The following KLHL29 variants were observed in gnomAD, a reference collection of about 807,000 sequenced individuals.
KLHL29 encodes the protein kelch like family member 29.
Under a neutral mutation model 80.4 loss-of-function variants are expected in KLHL29, and 21 were observed. The ratio of observed to expected loss-of-function variants is 0.26; its 90% confidence interval spans 0.19 to 0.38. The LOEUF is 0.38. KLHL29 is among the 10% of genes least tolerant of loss of function. The pLI is 1.00. For synonymous variants in KLHL29, 511 were observed against 526.8 expected (o/e 0.97, Z 0.41); for missense variants, 867 against 1,223.9 (o/e 0.71, Z 4.35).
chr2:23,686,709 G>A (rs1052495835), intron 6 of KLHL29, among the ~76,000 whole-genome samples: 2 of 152,124 alleles, frequency 1.3e-5, no homozygotes, highest in South Asian at 2.1e-4. Context: ...CCTGACGGAC[G>A]CCCAGGTCCC....
intron 1 of KLHL29, among the ~76,000 whole-genome samples, chr2:23,431,494 G>A (rs1056762342): frequency 3.3e-5 from 5 of 152,214 alleles, no homozygotes; most frequent in African/African-American, 4.8e-5. Context: ...CAGGCTCCTC[G>A]CCAGCCCTGC....
At chr2:23,454,612 G>T (rs371465283) in intron 1 of KLHL29, among the ~76,000 whole-genome samples, 104 of 152,196 alleles carry the variant, frequency 6.8e-4, no homozygotes, top group African/African-American at 2.4e-3. Context: ...TATTTCGTCA[G>T]CTTTTTCTGT....
chr2:23,609,812 A>G (rs1485797892), intron 3 of KLHL29, among the ~76,000 whole-genome samples: 1 of 152,174 alleles, frequency 6.6e-6, no homozygotes, highest in Non-Finnish European at 1.5e-5. Flanking sequence ...GGGTGAGGAA[A>G]CCCAGACACA....
intron 2 of KLHL29, among the ~76,000 whole-genome samples, chr2:23,510,132 C>CCTT (rs1665724744): frequency 6.6e-6 from 1 of 151,992 alleles, no homozygotes; most frequent in Non-Finnish European, 1.5e-5. Context: ...TCCTAAAGAC[C>CCTT]CTTTATTCAG....
chr2:23,502,466 T>TG (rs1247913321), intron 2 of KLHL29, among the ~76,000 whole-genome samples: 2 of 152,346 alleles, frequency 1.3e-5, no homozygotes, highest in Non-Finnish European at 2.9e-5. Context: ...ACCCACCTTT[T>TG]GGGGGGCCCC....
intron 3 of KLHL29, among the ~76,000 whole-genome samples, chr2:23,603,202 G>T (rs762650424): frequency 6.6e-6 from 1 of 152,146 alleles, no homozygotes; most frequent in Non-Finnish European, 1.5e-5. Context: ...CCCTGGAACC[G>T]TGAGAAATGC....
intron 2 of KLHL29, among the ~76,000 whole-genome samples, chr2:23,521,560 C>T (rs999421042): frequency 1.3e-5 from 2 of 152,200 alleles, no homozygotes; most frequent in South Asian, 4.1e-4. Flanking sequence ...AGTAGCCACT[C>T]CTCTCTGCCT....
intron 5 of KLHL29, among the ~76,000 whole-genome samples, chr2:23,661,982 G>A (rs1414350517): frequency 6.6e-6 from 1 of 152,222 alleles, no homozygotes; most frequent in Admixed American, 6.5e-5. Flanking sequence ...TAGATGCTCA[G>A]TAAACACTTT....
Position 23,562,071 on chromosome 2 carries a change from A to T in KLHL29, c.-45-81A>T. 9.3e-7 allele frequency: 1 copy of T among 1,079,354 alleles called. No individual in the cohort carries two copies. The highest frequency in any genetic ancestry group is 1.3e-6 in the Non-Finnish European group (1 of 748,714). The allele number at this position is 1,079,354 out of a possible 1,614,324, so 66.9% of individuals were successfully genotyped here. A position where few individuals can be genotyped will look rare whatever the true frequency, so the allele number is the denominator to read the frequency against. ...TTTGAAGGCCTGTTATTGAACCCAG[A>T]GAAGGGGCTTCATGGATGCTGTCAG... On this transcript the variant is annotated intron_variant, in intron 2 of 13. Transcript: ENST00000486442. This position sits in a 1 kb window ranked among gnomAD's most constrained non-coding sequence, Gnocchi z 4.5.
chr2:23,520,851 T>C (rs1176046910), intron 2 of KLHL29, among the ~76,000 whole-genome samples: 1 of 152,204 alleles, frequency 6.6e-6, no homozygotes, highest in Non-Finnish European at 1.5e-5. Context: ...TTCAGTTCAT[T>C]TTCATCTGTC....
At chr2:23,432,084 T>C (rs553704434) in intron 1 of KLHL29, among the ~76,000 whole-genome samples, 19 of 152,276 alleles carry the variant, frequency 1.2e-4, no homozygotes, top group African/African-American at 4.6e-4. Flanking sequence ...TCAATCTCTT[T>C]CTTGTTTCGG....
rs569896343 is a variant in KLHL29 at position 23,584,159 on chromosome 2, C to T, written c.285+21678C>T. On this transcript the variant is annotated intron_variant, in intron 3 of 13. Coordinates refer to ENST00000486442, the MANE Select transcript of KLHL29 (RefSeq NM_052920.2). ...AGATGAGCGATCCCCAGGCAGGCTC[C>T]AGCCGGCCTCCCAGGTCTGTGCCGT... Among the ~76,000 whole-genome samples, 229 of 152,334 alleles carry T rather than the reference C, an allele frequency of 1.5e-3. 1 individual carries two copies. Among genetic ancestry groups the T allele is most frequent in the African/African-American group, 5.1e-3 (213 of 41,580 alleles).
chr2:23,599,736 G>T (rs993046581), intron 3 of KLHL29, among the ~76,000 whole-genome samples: 1 of 152,150 alleles, frequency 6.6e-6, no homozygotes. Flanking sequence ...AGCATTTTCG[G>T]TTCCGTGGAT....
Position 23,676,033 on chromosome 2 carries a change from T to G in KLHL29, c.941-8366T>G, listed in dbSNP as rs144453353. Among the ~76,000 whole-genome samples the G allele has an allele frequency of 2.0e-3, 307 of 151,984 alleles. 1 individual carries two copies. Among genetic ancestry groups the G allele is most frequent in the African/African-American group, 6.9e-3 (285 of 41,444 alleles). Reference sequence around the variant, plus strand: ...AAAAGCCCTCCAGAAGATCACAAATTAGAAAGGAGACAGACAGACAGACAT... The same window carrying G: ...AAAAGCCCTCCAGAAGATCACAAATGAGAAAGGAGACAGACAGACAGACAT... On this transcript the variant is annotated intron_variant, in intron 5 of 13. Coordinates refer to ENST00000486442, the MANE Select transcript of KLHL29 (RefSeq NM_052920.2).
At chr2:23,520,664 C>T (rs1033038715) in intron 2 of KLHL29, among the ~76,000 whole-genome samples, 1 of 152,180 alleles carries the variant, frequency 6.6e-6, no homozygotes, top group East Asian at 1.9e-4. Flanking sequence ...GGACTATTTA[C>T]GTACTCCCAA....
In KLHL29 at chr2:23,691,621, C is replaced by T. The variant is rs114199012; in HGVS notation, c.1080-53C>T. ...AGGGAGATCTAGCCCTGTGAGGAAG[C>T]GGCACGGTGGCCGCAGGGCAGGAGG... On this transcript the variant is annotated intron_variant, in intron 6 of 13. Transcript: ENST00000486442. 1.6e-3 allele frequency: 2,383 copies of T among 1,466,802 alleles called. 29 individuals are homozygous for T. In the African/African-American group the frequency reaches 0.024, roughly 15 times the overall value. The allele number at this position is 1,466,802 out of a possible 1,614,324, so 90.9% of individuals were successfully genotyped here. A position where few individuals can be genotyped will look rare whatever the true frequency, so the allele number is the denominator to read the frequency against.
chr2:23,532,459 G>A, intron 2 of KLHL29: 1 of 419,282 alleles, frequency 2.4e-6, no homozygotes, highest in Non-Finnish European at 4.8e-6. Context: ...CTGCACCCAG[G>A]GCAGCACCCA....
chr2:23,391,112 A>G (rs1490371040), intron 1 of KLHL29, among the ~76,000 whole-genome samples: 8 of 152,154 alleles, frequency 5.3e-5, no homozygotes, highest in African/African-American at 1.4e-4. Context: ...TATACATTCA[A>G]CTACCTTAGA....
intron 2 of KLHL29, among the ~76,000 whole-genome samples, chr2:23,484,111 C>T (rs990879621): frequency 6.6e-6 from 1 of 152,152 alleles, no homozygotes; most frequent in African/African-American, 2.4e-5. Flanking sequence ...TCAACCAGAC[C>T]CAGGCTGTCA....
Sources: gnomAD v4.1 joint callset for allele counts (sites outside exome capture counted in the v4.1 genomes callset) on GRCh38, gnomAD v4.1.1 for gene constraint, Gnocchi (gnomAD v3.1) non-coding constraint, MANE v1.5 for transcripts, NCBI Gene and HGNC (gene_info 2026-07-23, HGNC 2026-07-21) for gene names.